The following EPHX2 variants were observed in gnomAD, a reference collection of about 807,000 sequenced individuals.
EPHX2 encodes the protein epoxide hydrolase 2, also known as bifunctional epoxide hydrolase 2.
Under a neutral mutation model 78.7 loss-of-function variants are expected in EPHX2, and 74 were observed. That is an observed-to-expected ratio of 0.94 (90% CI 0.78 to 1.14). The LOEUF is 1.14. Ranked by LOEUF, EPHX2 falls within the 50% of genes most tolerant of loss-of-function variation. The probability of loss-of-function intolerance (pLI) is 0.00; values close to 1 mark genes in which losing one functional copy is unlikely to be tolerated. For missense variants in EPHX2, 715 were observed against 702.5 expected, an observed-to-expected ratio of 1.02 and a Z score of -0.20; for synonymous variants, 251 against 255.2, an observed-to-expected ratio of 0.98 and a Z score of 0.16.
chr8:27,519,285 A>G (rs966261875), intron 9 of EPHX2, among the ~76,000 whole-genome samples: 1 of 152,242 alleles, frequency 6.6e-6, no homozygotes, highest in South Asian at 2.1e-4. Flanking sequence ...GTTCAGCTAT[A>G]CAGAGGAATG....
intron 11 of EPHX2, among the ~76,000 whole-genome samples, chr8:27,523,170 C>T (rs72475892): frequency 1.2e-4 from 18 of 152,192 alleles, no homozygotes; most frequent in African/African-American, 4.1e-4. Context: ...GCGTGGCCTT[C>T]GGTCTGCCCT....
At chr8:27,516,209 T>C (rs982561393) in intron 7 of EPHX2, 111 bp from the exon 8 acceptor site, 4 of 1,086,812 alleles carry the variant, frequency 3.7e-6, no homozygotes, top group South Asian at 1.4e-5. Flanking sequence ...TAGTGCCCTG[T>C]GGCTCTTGGT....
In EPHX2 at chr8:27,503,700, G is replaced by A. The variant is rs1261797999; in HGVS notation, c.283G>A (p.Ala95Thr). ...CTCCATAAAAGAAATCTTTGACAAG[G>A]CGATTTCAGCCAGAAAGATCAACCG... The part of the protein sequence containing the change: ...NFSIKEIFDK[A>T]ISARKINRPM... The change falls in exon 3 of 19, where the codon GCG becomes ACG. Residue 95 changes from alanine (A) to threonine (T), a missense_variant. Transcript: ENST00000521400. 1 of 1,613,716 alleles carries A rather than the reference G, an allele frequency of 6.2e-7. No homozygotes were observed. Among genetic ancestry groups the A allele is most frequent in the Admixed American group, 1.7e-5 (1 of 59,978 alleles).
Position 27,522,407 on chromosome 8 carries a change from CT to C in EPHX2, c.973-11del. 6.2e-7 allele frequency: 1 copy of C among 1,613,116 alleles called. No homozygotes were observed. Reference sequence around the variant, plus strand: ...AAGCCTCCCCACATTCGGCTCCCTTCTTTTTCCTTCTCTAGGGCCTCTCTCA... The same window carrying C: ...AAGCCTCCCCACATTCGGCTCCCTTCTTTTCCTTCTCTAGGGCCTCTCTCA... On this transcript the variant is annotated splice_polypyrimidine_tract_variant and intron_variant, in intron 10 of 18. Transcript: ENST00000521400.
intron 7 of EPHX2, among the ~76,000 whole-genome samples, 171 bp from the exon 8 acceptor site, chr8:27,516,149 G>A (rs532710386): frequency 6.6e-6 from 1 of 152,306 alleles, no homozygotes; most frequent in East Asian, 1.9e-4. Context: ...ACCGTCCACA[G>A]CAGCCCTGTA....
chr8:27,543,196 G>A (rs868600176), intron 16 of EPHX2, among the ~76,000 whole-genome samples: 1 of 152,012 alleles, frequency 6.6e-6, no homozygotes, highest in Non-Finnish European at 1.5e-5. Context: ...AATAGTGCAC[G>A]TTCCTCAACC....
chr8:27,537,760 T>C (rs1214010861), intron 13 of EPHX2, among the ~76,000 whole-genome samples: 1 of 152,218 alleles, frequency 6.6e-6, no homozygotes, highest in Non-Finnish European at 1.5e-5. Flanking sequence ...TAATTCTCTC[T>C]TGTTTCTCTC....
chr8:27,536,640 A>G (rs1431723785), intron 12 of EPHX2, 144 bp from the exon 13 acceptor site: 1 of 773,174 alleles, frequency 1.3e-6, no homozygotes, highest in South Asian at 1.7e-5. Context: ...TTTTATGATG[A>G]AAATTCAAAT....
intron 7 of EPHX2, 130 bp downstream of exon 7, chr8:27,515,943 G>A (rs1814433775): frequency 1.2e-6 from 1 of 831,770 alleles, no homozygotes; most frequent in Admixed American, 2.1e-5. Context: ...GTGTGACCAG[G>A]TTGGGGCAGG....
intron 11 of EPHX2, among the ~76,000 whole-genome samples, chr8:27,522,770 G>A (rs1207859961): frequency 6.6e-6 from 1 of 151,938 alleles, no homozygotes; most frequent in East Asian, 1.9e-4. Context: ...GACCAGCCCT[G>A]GCCAACATGG....
At position 27,511,898 on chromosome 8, in the gene EPHX2, C is replaced by A; in HGVS notation, c.723C>A (p.Tyr241Ter). Residue 241 changes from tyrosine (Y) to a stop codon, truncating the protein, a stop_gained, in exon 6 of 19, where the codon TAC (tyrosine) becomes TAA (stop). Transcript: ENST00000521400. LOFTEE classifies it high-confidence loss of function. ...SCNPSDMSHG[Y>*]VTVKPRVRLH... is the part of the protein sequence containing the mutation. ...ATCCAAGTGACATGAGCCATGGGTA[C>A]GTGACAGTAAAGGTGAGTCAGTTTT... The A allele has an allele frequency of 1.2e-6, 2 of 1,614,006 alleles. No homozygotes were observed. Among genetic ancestry groups the A allele is most frequent in the East Asian group, 2.2e-5 (1 of 44,868 alleles).
chr8:27,525,857 A>C (rs1814827772), intron 12 of EPHX2, among the ~76,000 whole-genome samples: 1 of 152,198 alleles, frequency 6.6e-6, no homozygotes, highest in Non-Finnish European at 1.5e-5. Context: ...ATGTGCTCTG[A>C]AGAATCTGAG....
At chr8:27,546,704 G>A (rs1815582280), downstream of EPHX2, among the ~76,000 whole-genome samples, 2 of 152,164 alleles carry the variant, frequency 1.3e-5, no homozygotes, top group South Asian at 2.1e-4. Flanking sequence ...CCATCAAAAA[G>A]GCCTCAGAAA....
rs1815529772 is a variant in EPHX2, at chr8:27,544,661, A to T, written c.*139A>T. 4.9e-6 allele frequency: 4 copies of T among 817,630 alleles called. No homozygotes were observed. The highest frequency in any genetic ancestry group is 7.9e-6 in the Non-Finnish European group (4 of 508,920). The allele number at this position is 817,630 out of a possible 1,614,324, so 50.6% of individuals were successfully genotyped here. ...CTGAAGGGGTTTGCAGAAAAAAAAGATTTTCTTTACATAAAGTGAATCAAA... is the reference window on the plus strand; with the variant it reads ...CTGAAGGGGTTTGCAGAAAAAAAAGTTTTTCTTTACATAAAGTGAATCAAA... On this transcript the variant is annotated 3_prime_UTR_variant, in exon 19 of 19. Coordinates refer to ENST00000521400, the MANE Select transcript of EPHX2 (RefSeq NM_001979.6).
At position 27,511,684 on chromosome 8, in the gene EPHX2, G is replaced by C; in HGVS notation, c.661-152G>C. The C allele has an allele frequency of 8.6e-6, 6 of 698,256 alleles. No homozygotes were observed. The Admixed American group carries it at 1.2e-4, about 13-fold the overall frequency. The allele number at this position is 698,256 out of a possible 1,614,324, so 43.3% of individuals were successfully genotyped here. Reference sequence around the variant, plus strand: ...AGAATGGAGTCTGGCTGTGCTGGCAGGAGAGGGAGATGGGCTGGTCAGCCA... The same window carrying C: ...AGAATGGAGTCTGGCTGTGCTGGCACGAGAGGGAGATGGGCTGGTCAGCCA... On this transcript the variant is annotated intron_variant, in intron 5 of 18. Coordinates refer to ENST00000521400, the MANE Select transcript of EPHX2 (RefSeq NM_001979.6).
intron 13 of EPHX2, 77 bp from the exon 14 acceptor site, chr8:27,538,582 A>G: frequency 7.3e-7 from 1 of 1,376,052 alleles, no homozygotes; most frequent in Non-Finnish European, 1.0e-6. Context: ...ATTTGTCGTA[A>G]CAGGGTTTTC....
At chr8:27,499,744 T>C (rs775700727) in intron 1 of EPHX2, among the ~76,000 whole-genome samples, 36 of 152,232 alleles carry the variant, frequency 2.4e-4, no homozygotes, top group Non-Finnish European at 4.0e-4. Flanking sequence ...ACAATGGAAA[T>C]GTTTTCTCTC....
At chr8:27,529,495 T>G (rs531336499) in intron 12 of EPHX2, among the ~76,000 whole-genome samples, 1 of 152,298 alleles carries the variant, frequency 6.6e-6, no homozygotes, top group South Asian at 2.1e-4. Flanking sequence ...CTCTCCCACC[T>G]CACGACACTG....
At chr8:27,541,324 G>T in intron 15 of EPHX2, 149 bp from the exon 16 acceptor site, 1 of 758,006 alleles carries the variant, frequency 1.3e-6, no homozygotes, top group South Asian at 1.8e-5. Flanking sequence ...CGACAGCAAG[G>T]CGTGGGTCCT....
Sources: gnomAD v4.1 joint callset for allele counts (sites outside exome capture counted in the v4.1 genomes callset) on GRCh38, gnomAD v4.1.1 for gene constraint, MANE v1.5 for transcripts, NCBI Gene and HGNC (gene_info 2026-07-23, HGNC 2026-07-21) for gene names.